The following TRPM3 variants were observed in gnomAD, a reference collection of about 807,000 sequenced individuals.
The protein encoded by TRPM3 is transient receptor potential cation channel subfamily M member 3.
In TRPM3, 77 loss-of-function variants were observed where a neutral mutation model predicts 181.2. That is an observed-to-expected ratio of 0.42 (90% CI 0.35 to 0.51). The LOEUF is 0.51. Among genes scored for constraint, TRPM3 ranks in the 20% least tolerant of loss-of-function variants. The pLI is 0.01. For missense variants in TRPM3, 1,759 were observed against 2,196.7 expected (o/e 0.80, Z 3.98); for synonymous variants, 745 against 796.4 (o/e 0.94, Z 1.09).
intron 9 of TRPM3, among the ~76,000 whole-genome samples, chr9:70,657,313 C>G (rs372095434): frequency 1.4e-5 from 2 of 140,236 alleles, no homozygotes; most frequent in African/African-American, 5.2e-5. Context: ...AACCAAAGTT[C>G]AACTTTTATT....
At chr9:70,898,642 C>A (rs113614399) in intron 1 of TRPM3, among the ~76,000 whole-genome samples, 1 of 147,814 alleles carries the variant, frequency 6.8e-6, no homozygotes, top group South Asian at 2.1e-4. Flanking sequence ...CAGTTACTCC[C>A]GAGGCTGAGG....
At chr9:70,614,969 T>C (rs1453067493) in intron 18 of TRPM3, among the ~76,000 whole-genome samples, 1 of 152,238 alleles carries the variant, frequency 6.6e-6, no homozygotes, top group African/African-American at 2.4e-5. Context: ...GAAACAAAAG[T>C]TGGCCTTTCA....
intron 1 of TRPM3, among the ~76,000 whole-genome samples, chr9:70,960,256 C>T (rs2097124108): frequency 1.3e-5 from 2 of 151,880 alleles, no homozygotes; most frequent in Admixed American, 1.3e-4. Context: ...ATGAAGAAAA[C>T]AACAGAGAGG....
At chr9:70,686,763 C>T (rs2067007593) in intron 8 of TRPM3, among the ~76,000 whole-genome samples, 1 of 121,458 alleles carries the variant, frequency 8.2e-6, no homozygotes, top group Non-Finnish European at 1.7e-5. Flanking sequence ...CTCTCCCTCC[C>T]TCCCTCCATC....
intron 6 of TRPM3, among the ~76,000 whole-genome samples, chr9:70,803,549 T>C (rs1344467979): frequency 6.7e-6 from 1 of 148,512 alleles, no homozygotes; most frequent in East Asian, 2.0e-4. Context: ...CCCAGGTTCA[T>C]GCTTTTCTCC....
At chr9:70,772,432 C>A (rs1442187183) in intron 7 of TRPM3, among the ~76,000 whole-genome samples, 2 of 152,046 alleles carry the variant, frequency 1.3e-5, no homozygotes, top group Non-Finnish European at 2.9e-5. Context: ...ATCCTCCCAC[C>A]TCAGCCTCCC....
At chr9:70,958,815 TA>T (rs2097106377) in intron 1 of TRPM3, among the ~76,000 whole-genome samples, 1 of 151,474 alleles carries the variant, frequency 6.6e-6, no homozygotes, top group Admixed American at 6.6e-5. Context: ...CACCATGGAA[TA>T]CTATGTAGCC....
intron 1 of TRPM3, among the ~76,000 whole-genome samples, chr9:70,997,207 T>G (rs375809594): frequency 1.9e-4 from 29 of 152,328 alleles, no homozygotes; most frequent in African/African-American, 6.5e-4. Flanking sequence ...ATACTTTTTT[T>G]TTGTTTTTTG....
At chr9:70,601,815 C>T (rs1253539365) in intron 20 of TRPM3, among the ~76,000 whole-genome samples, 1 of 152,178 alleles carries the variant, frequency 6.6e-6, no homozygotes. Flanking sequence ...CCAGTCTGGT[C>T]CCTGGAGAGA....
At chr9:71,118,164 A>C (rs1040422044) in intron 1 of TRPM3, among the ~76,000 whole-genome samples, 2 of 152,314 alleles carry the variant, frequency 1.3e-5, no homozygotes, top group African/African-American at 4.8e-5. Flanking sequence ...CCCATTTGAA[A>C]ACAGGCTCTG....
intron 1 of TRPM3, among the ~76,000 whole-genome samples, chr9:71,249,647 T>C (rs915154870): frequency 4.6e-5 from 7 of 152,160 alleles, no homozygotes; most frequent in African/African-American, 9.6e-5. Flanking sequence ...GGAAAAAAAT[T>C]ATTCTGCTGC....
intron 1 of TRPM3, among the ~76,000 whole-genome samples, chr9:70,910,596 C>A (rs112211001): frequency 3.3e-4 from 50 of 152,100 alleles, no homozygotes; most frequent in African/African-American, 1.1e-3. Context: ...AATAGGTATG[C>A]CATAGAAGCT....
chr9:70,606,649 G>A (rs201530828), intron 19 of TRPM3, among the ~76,000 whole-genome samples: 2,867 of 77,816 alleles, frequency 0.037, 80 homozygotes, highest in African/African-American at 0.091. Flanking sequence ...GTGTGTGTGT[G>A]TGTATATATA....
chr9:71,429,025 A>G (rs1436420682), intron 1 of TRPM3, among the ~76,000 whole-genome samples: 1 of 151,764 alleles, frequency 6.6e-6, no homozygotes, highest in African/African-American at 2.4e-5. Context: ...TCATCTTTGC[A>G]CAATACTGTA....
chr9:71,440,632 A>G (rs529479705), intron 1 of TRPM3, among the ~76,000 whole-genome samples: 1 of 152,352 alleles, frequency 6.6e-6, no homozygotes, highest in Admixed American at 6.5e-5. Flanking sequence ...TAGACTTTGT[A>G]TATCTCTGTG....
At chr9:70,878,887 C>T (rs1253866893) in intron 1 of TRPM3, among the ~76,000 whole-genome samples, 1 of 152,020 alleles carries the variant, frequency 6.6e-6, no homozygotes, top group African/African-American at 2.4e-5. Context: ...CAGATGATTC[C>T]CTTACATCTA....
intron 1 of TRPM3, among the ~76,000 whole-genome samples, chr9:71,228,171 G>A (rs1357134907): frequency 6.6e-6 from 1 of 152,092 alleles, no homozygotes; most frequent in African/African-American, 2.4e-5. Flanking sequence ...ATGCAAGGAT[G>A]GTTCAACATA....
chr9:71,394,176 A>C (rs1357240421), intron 1 of TRPM3, among the ~76,000 whole-genome samples: 3 of 152,236 alleles, frequency 2.0e-5, no homozygotes, highest in Non-Finnish European at 2.9e-5. Flanking sequence ...TGATAAATGA[A>C]GAATACAGTA....
At chr9:70,792,751 T>C (rs550571473) in intron 6 of TRPM3, among the ~76,000 whole-genome samples, 31 of 152,214 alleles carry the variant, frequency 2.0e-4, no homozygotes, top group Admixed American at 1.3e-4. Flanking sequence ...CCATGGTTCC[T>C]GCAGAGAGTC....
Sources: gnomAD v4.1 joint callset for allele counts (sites outside exome capture counted in the v4.1 genomes callset) on GRCh38, gnomAD v4.1.1 for gene constraint, MANE v1.5 for transcripts, NCBI Gene and HGNC (gene_info 2026-07-23, HGNC 2026-07-21) for gene names.